The following NUP98 variants were observed in gnomAD, a reference collection of about 807,000 sequenced individuals.
The protein encoded by NUP98 is nuclear pore complex protein Nup98-Nup96.
A neutral mutation model predicts 191.9 loss-of-function variants in NUP98; 26 were observed. That is an observed-to-expected ratio of 0.14 (90% confidence interval 0.10 to 0.19). The LOEUF (loss-of-function observed/expected upper bound fraction) is 0.19, where lower values mean the gene tolerates loss of function less well. Among genes scored for constraint, NUP98 ranks in the 10% least tolerant of loss-of-function variants. The pLI is 1.00. For synonymous variants in NUP98, 808 were observed against 778.4 expected (o/e 1.04, Z -0.63); for missense variants, 1,941 against 2,178.8 (o/e 0.89, Z 2.17).
At chr11:3,789,176 C>G (rs928764924) in intron 1 of NUP98, among the ~76,000 whole-genome samples, 1 of 152,140 alleles carries the variant, frequency 6.6e-6, no homozygotes, top group African/African-American at 2.4e-5. Context: ...TAGAGCTCCT[C>G]AAAAGCAGCA....
intron 4 of NUP98, among the ~76,000 whole-genome samples, chr11:3,777,041 A>G (rs920383415): frequency 2.6e-5 from 4 of 152,180 alleles, no homozygotes. Flanking sequence ...GTCACAGTAC[A>G]TTTTATTTAC....
At chr11:3,703,216 C>CTT (rs1310254994) in intron 22 of NUP98, among the ~76,000 whole-genome samples, 47 of 139,136 alleles carry the variant, frequency 3.4e-4, no homozygotes, top group East Asian at 6.2e-4. Context: ...TCTTCAAAAA[C>CTT]TTTTTTTTTT....
At chr11:3,762,270 C>A (rs954854099) in intron 9 of NUP98, among the ~76,000 whole-genome samples, 3 of 151,090 alleles carry the variant, frequency 2.0e-5, no homozygotes, top group Non-Finnish European at 4.4e-5. Context: ...CCACCACACC[C>A]AGCTAGTGGT....
At chr11:3,715,223 T>A (rs914868242) in intron 18 of NUP98, among the ~76,000 whole-genome samples, 1 of 152,184 alleles carries the variant, frequency 6.6e-6, no homozygotes. Context: ...CTTAGCTCAC[T>A]TCACCCTCTG....
chr11:3,792,641 A>G (rs569454942), intron 1 of NUP98, among the ~76,000 whole-genome samples: 12 of 137,356 alleles, frequency 8.7e-5, no homozygotes, highest in African/African-American at 3.0e-4. Flanking sequence ...ACAAAAAAAC[A>G]ACAAAAAAAG....
At chr11:3,790,034 C>T (rs2082281786) in intron 1 of NUP98, among the ~76,000 whole-genome samples, 1 of 152,198 alleles carries the variant, frequency 6.6e-6, no homozygotes, top group South Asian at 2.1e-4. Context: ...CCGCCCACCT[C>T]AGCCTCCCAA....
At chr11:3,774,772 TA>T (rs2133918842) in intron 5 of NUP98, among the ~76,000 whole-genome samples, 1 of 152,090 alleles carries the variant, frequency 6.6e-6, no homozygotes, top group South Asian at 2.1e-4. Flanking sequence ...AAAGGCACAA[TA>T]AGTAAAACTA....
At chr11:3,676,648 T>A in intron 31 of NUP98, 28 bp from the exon 32 acceptor site, 6 of 1,545,638 alleles carry the variant, frequency 3.9e-6, no homozygotes, top group Non-Finnish European at 5.4e-6. Flanking sequence ...AGCCAATTAA[T>A]CCAAGGGGAG....
chr11:3,730,265 T>A (rs913273671), intron 14 of NUP98, among the ~76,000 whole-genome samples: 1 of 151,828 alleles, frequency 6.6e-6, no homozygotes, highest in Non-Finnish European at 1.5e-5. Context: ...AGGACAGACA[T>A]AAATAATACA....
chr11:3,754,697 T>C (rs948556097), intron 10 of NUP98, among the ~76,000 whole-genome samples: 3 of 152,050 alleles, frequency 2.0e-5, no homozygotes, highest in African/African-American at 7.2e-5. Flanking sequence ...ATCCCAGCAC[T>C]CTGGGAGGCC....
chr11:3,766,767 C>T (rs1039920388), intron 8 of NUP98, among the ~76,000 whole-genome samples: 4 of 151,084 alleles, frequency 2.6e-5, no homozygotes, highest in Non-Finnish European at 4.4e-5. Context: ...TTGGCTATTC[C>T]GGGTTCCTTC....
chr11:3,743,181 G>C (rs1373513116), intron 12 of NUP98, among the ~76,000 whole-genome samples: 2 of 151,350 alleles, frequency 1.3e-5, no homozygotes, highest in African/African-American at 4.9e-5. Context: ...ATCATGCCCA[G>C]CTAATTTTTG....
intron 25 of NUP98, chr11:3,697,299 G>A (rs964237912): frequency 1.3e-5 from 2 of 152,162 alleles, no homozygotes; most frequent in African/African-American, 4.8e-5. Context: ...AATGTGTAGT[G>A]ACAGTGGAAT....
chr11:3,747,851 T>C (rs2080565891), intron 11 of NUP98, among the ~76,000 whole-genome samples: 2 of 152,160 alleles, frequency 1.3e-5, no homozygotes, highest in South Asian at 2.1e-4. Context: ...CGTGGGTGTT[T>C]ATATGCAAGT....
intron 15 of NUP98, among the ~76,000 whole-genome samples, chr11:3,724,563 G>A (rs989330076): frequency 1.1e-4 from 17 of 151,880 alleles, no homozygotes; most frequent in Non-Finnish European, 2.1e-4. Context: ...AGGCCAAGGC[G>A]GGCAGATCAC....
rs540991586 is a variant in NUP98, at chr11:3,729,526, G to T, written c.1730+1865C>A. On this transcript the variant is annotated intron_variant, in intron 14 of 32. Coordinates refer to ENST00000324932, the MANE Select transcript of NUP98 (RefSeq NM_016320.5). Reference sequence around the variant, plus strand: ...GTTCGAGACCACCGTGGGCAACACAGAAAGACCCTGTATCTCCAAAAAAAA... The same window carrying T: ...GTTCGAGACCACCGTGGGCAACACATAAAGACCCTGTATCTCCAAAAAAAA... Among the ~76,000 whole-genome samples the T allele has an allele frequency of 1.6e-4, 15 of 96,408 alleles. No homozygotes were observed. In the South Asian group the frequency reaches 5.4e-3, roughly 35 times the overall value. The allele number at this position is 96,408 out of a possible 152,430, so 63.2% of individuals were successfully genotyped here. A position where few individuals can be genotyped will look rare whatever the true frequency, so the allele number is the denominator to read the frequency against.
In NUP98 at chr11:3,703,915, T is replaced by C. The variant is rs937939395; in HGVS notation, c.3083-1023A>G. Among the ~76,000 whole-genome samples, 6 of 152,166 alleles carry C rather than the reference T, an allele frequency of 3.9e-5. No homozygotes were observed. In the East Asian group the frequency reaches 5.8e-4, roughly 15 times the overall value. ...GTTGCCCAGGCTGCTCTCCAAATCC[T>C]AGCCTCAAGCCATCCTCCTTCCTCA... On this transcript the variant is annotated intron_variant, in intron 22 of 32. Transcript: ENST00000324932.
At chr11:3,762,198 T>C (rs904743792) in intron 9 of NUP98, among the ~76,000 whole-genome samples, 2 of 152,010 alleles carry the variant, frequency 1.3e-5, no homozygotes, top group Admixed American at 1.3e-4. Context: ...CAACCTCCAC[T>C]TCCTGGGTTC....
intron 29 of NUP98, among the ~76,000 whole-genome samples, chr11:3,684,090 T>C (rs1032867072): frequency 6.6e-6 from 1 of 151,840 alleles, no homozygotes; most frequent in Non-Finnish European, 1.5e-5. Flanking sequence ...CAGGCGTCTG[T>C]AATCCCAGCT....
Sources: gnomAD v4.1 joint callset for allele counts (sites outside exome capture counted in the v4.1 genomes callset) on GRCh38, gnomAD v4.1.1 for gene constraint, MANE v1.5 for transcripts, NCBI Gene and HGNC (gene_info 2026-07-23, HGNC 2026-07-21) for gene names.